PIAS2: variants seen among roughly 807,000 people sequenced by gnomAD.
PIAS2 encodes the protein E3 SUMO-protein ligase PIAS2.
A neutral mutation model predicts 69.7 loss-of-function variants in PIAS2; 19 were observed. That is an observed-to-expected ratio of 0.27 (90% confidence interval 0.19 to 0.40). The LOEUF is 0.40. PIAS2 is among the 10% of genes least tolerant of loss of function. The pLI, the probability that PIAS2 is intolerant of heterozygous loss-of-function variation, is 1.00. For synonymous variants in PIAS2, 261 were observed against 263.2 expected (o/e 0.99, Z 0.08); for missense variants, 624 against 757.0 (o/e 0.82, Z 2.06).
At chr18:46,878,818 A>C (rs997911312) in intron 2 of PIAS2, among the ~76,000 whole-genome samples, 1 of 152,238 alleles carries the variant, frequency 6.6e-6, no homozygotes, top group Non-Finnish European at 1.5e-5. Context: ...CAGTGAGCGG[A>C]GATCACACCA....
At chr18:46,861,588 C>T (rs1726195616) in intron 3 of PIAS2, among the ~76,000 whole-genome samples, 1 of 152,120 alleles carries the variant, frequency 6.6e-6, no homozygotes. Context: ...TATTATGTTG[C>T]CTGATATGGT....
At chr18:46,862,455 A>C (rs773979350) in intron 3 of PIAS2, among the ~76,000 whole-genome samples, 1 of 152,186 alleles carries the variant, frequency 6.6e-6, no homozygotes, top group Non-Finnish European at 1.5e-5. Flanking sequence ...CTGAAAAGGA[A>C]GTAAACACCT....
At chr18:46,848,351 T>C (rs1311412959) in intron 5 of PIAS2, among the ~76,000 whole-genome samples, 2 of 152,208 alleles carry the variant, frequency 1.3e-5, no homozygotes, top group African/African-American at 4.8e-5. Context: ...AAATTATTTA[T>C]TAACTGAAAA....
chr18:46,863,676 A>C (rs2049000399), intron 3 of PIAS2, among the ~76,000 whole-genome samples: 1 of 152,246 alleles, frequency 6.6e-6, no homozygotes, highest in Non-Finnish European at 1.5e-5. Context: ...TTCAAAGGTT[A>C]AAAATTTTAT....
At chr18:46,881,987 C>T (rs1256776915) in intron 2 of PIAS2, among the ~76,000 whole-genome samples, 2 of 152,024 alleles carry the variant, frequency 1.3e-5, no homozygotes, top group Non-Finnish European at 2.9e-5. Context: ...ATCCCAGCTA[C>T]TCGGGAGGCT....
At chr18:46,884,218 TTAACA>T (rs1339543047) in intron 2 of PIAS2, among the ~76,000 whole-genome samples, 7 of 152,190 alleles carry the variant, frequency 4.6e-5, no homozygotes, top group African/African-American at 1.7e-4. Context: ...TCTTTATAAC[TTAACA>T]TGTTTTATAT....
chr18:46,907,538 A>G (rs1302793697), intron 1 of PIAS2: 1 of 152,238 alleles, frequency 6.6e-6, no homozygotes, highest in Non-Finnish European at 1.5e-5. Context: ...GAATACATAT[A>G]CAGAAACAGA....
Position 46,844,049 on chromosome 18 carries a change from C to T in PIAS2, c.1041+5G>A, listed in dbSNP as rs1249296414. 1.3e-6 allele frequency: 2 copies of T among 1,487,334 alleles called. No homozygotes were observed. The highest frequency in any genetic ancestry group is 9.0e-7 in the Non-Finnish European group (1 of 1,110,930). The allele number at this position is 1,487,334 out of a possible 1,614,324, so 92.1% of individuals were successfully genotyped here. The stretch of plus-strand genomic sequence containing the variant: ...TTCCCCAAAATGTTTTGTTGCTTTA[C>T]TTACAGGGCACATCAAGGATACCCG... On this transcript the variant is annotated splice_donor_5th_base_variant and intron_variant, in intron 8 of 13. Transcript: ENST00000585916.
At chr18:46,864,429 A>G (rs1281490819) in intron 2 of PIAS2, among the ~76,000 whole-genome samples, 181 bp from the exon 3 acceptor site, 1 of 152,190 alleles carries the variant, frequency 6.6e-6, no homozygotes, top group African/African-American at 2.4e-5. Context: ...TAAAGTCACT[A>G]CAAAGGGGTT....
At chr18:46,814,610 C>T (rs1237923991) in intron 13 of PIAS2, among the ~76,000 whole-genome samples, 1 of 152,134 alleles carries the variant, frequency 6.6e-6, no homozygotes, top group East Asian at 1.9e-4. Flanking sequence ...ACTGAGCAGC[C>T]CATGAAGCAG....
chr18:46,815,197 C>G, intron 13 of PIAS2, 115 bp downstream of exon 13: 3 of 775,036 alleles, frequency 3.9e-6, no homozygotes, highest in Non-Finnish European at 6.5e-6. Flanking sequence ...TCCTTTCCAT[C>G]AATGTAAGTA....
rs756097928 is a variant in PIAS2 at position 46,810,565 on chromosome 18, C to T, written c.*1868G>A. 1 of 152,090 alleles carries T rather than the reference C, an allele frequency of 6.6e-6. No homozygotes were observed. The highest frequency in any genetic ancestry group is 1.5e-5 in the Non-Finnish European group (1 of 68,026). 9.4% of individuals were successfully genotyped at this position (152,090 alleles called of 1,614,324 possible). A position where few individuals can be genotyped will look rare whatever the true frequency, so the allele number is the denominator to read the frequency against. ...CTGGCAACTATGTGCAACTACTGCT[C>T]GTAGATTTGGGTTTGTTTCCCCCCC... On this transcript the variant is annotated 3_prime_UTR_variant, in exon 14 of 14. Transcript: ENST00000585916.
At chr18:46,849,527 G>C (rs553311366) in intron 5 of PIAS2, among the ~76,000 whole-genome samples, 1 of 152,116 alleles carries the variant, frequency 6.6e-6, no homozygotes, top group Admixed American at 6.6e-5. Context: ...AAGGCCACTG[G>C]ACAGCACCAG....
intron 2 of PIAS2, among the ~76,000 whole-genome samples, chr18:46,871,024 T>C (rs927696341): frequency 1.3e-5 from 2 of 152,164 alleles, no homozygotes; most frequent in Non-Finnish European, 2.9e-5. Flanking sequence ...ACCTATGGAA[T>C]TCCTAGAGAG....
Position 46,846,779 on chromosome 18 carries a change from A to G in PIAS2, c.789T>C (p.Ile263=), listed in dbSNP as rs765996619. ...EQKRPGRPLN[I]TSLVRLSSAV... is the part of the protein sequence containing the mutation. ...CTGAAGATAACCTAACTAAAGATGT[A>G]ATATTCAAGGGGCGTCCAGGGCGCT... is the stretch of plus-strand genomic sequence containing the variant. The change falls in exon 6 of 14, where the codon ATT becomes ATC. Residue 263 remains isoleucine, a synonymous_variant. Coordinates refer to ENST00000585916, the MANE Select transcript of PIAS2 (RefSeq NM_004671.5). The G allele has an allele frequency of 1.2e-6, 2 of 1,613,280 alleles. No homozygotes were observed. Among genetic ancestry groups the G allele is most frequent in the Non-Finnish European group, 1.7e-6 (2 of 1,179,558 alleles).
intron 2 of PIAS2, among the ~76,000 whole-genome samples, chr18:46,865,422 C>T (rs183090105): frequency 2.1e-4 from 32 of 151,838 alleles, no homozygotes; most frequent in Non-Finnish European, 4.6e-4. Context: ...TGCCTGTAAT[C>T]CCAGCTACTC....
chr18:46,882,994 C>A (rs760470323), intron 2 of PIAS2, among the ~76,000 whole-genome samples: 1 of 149,570 alleles, frequency 6.7e-6, no homozygotes. Flanking sequence ...GGGGAGGCTG[C>A]GGCAGGAAAA....
At chr18:46,882,616 T>C (rs768247451) in intron 2 of PIAS2, among the ~76,000 whole-genome samples, 1 of 152,188 alleles carries the variant, frequency 6.6e-6, no homozygotes. Flanking sequence ...GCAAGAATAG[T>C]GCCTGATACA....
chr18:46,824,873 G>T (rs2042633472), intron 11 of PIAS2, among the ~76,000 whole-genome samples: 1 of 151,392 alleles, frequency 6.6e-6, no homozygotes, highest in African/African-American at 2.4e-5. Context: ...ATTAGCTGGG[G>T]GTGGTAGTTC....
Sources: allele counts gnomAD v4.1 joint callset (sites outside exome capture counted in the v4.1 genomes callset), GRCh38; gene constraint gnomAD v4.1.1; transcripts MANE v1.5; gene names NCBI Gene and HGNC (gene_info 2026-07-23, HGNC 2026-07-21).